Variants in FRMD6 observed in about 807,000 individuals in gnomAD.
FRMD6 encodes the protein FERM domain-containing protein 6.
In FRMD6, 37 loss-of-function variants were observed where a neutral mutation model predicts 73.2. That is an observed-to-expected ratio of 0.51 (90% CI 0.39 to 0.66). The LOEUF is 0.66. FRMD6 is among the 30% of genes least tolerant of loss of function. The probability of loss-of-function intolerance (pLI) is 0.00; values close to 1 mark genes in which losing one functional copy is unlikely to be tolerated. For missense variants in FRMD6, 714 were observed against 780.5 expected (o/e 0.91, Z 1.02); for synonymous variants, 273 against 282.2 (o/e 0.97, Z 0.33).
At chr14:51,595,679 G>A (rs1594574938) in intron 2 of FRMD6, among the ~76,000 whole-genome samples, 1 of 152,150 alleles carries the variant, frequency 6.6e-6, no homozygotes, top group African/African-American at 2.4e-5. Context: ...AGGATGAATT[G>A]AAGATAATAT....
At chr14:51,707,750 T>C (rs1214784804) in intron 6 of FRMD6, among the ~76,000 whole-genome samples, 1 of 152,172 alleles carries the variant, frequency 6.6e-6, no homozygotes, top group Admixed American at 6.6e-5. Flanking sequence ...CTTGCAAGTA[T>C]AAACAATTAT....
chr14:51,691,094 T>G (rs773812526), intron 2 of FRMD6, among the ~76,000 whole-genome samples: 33 of 152,210 alleles, frequency 2.2e-4, no homozygotes, highest in Non-Finnish European at 2.2e-4. Context: ...GTTTCTTAAC[T>G]TCATGAAGCT....
the FRMD6 span, among the ~76,000 whole-genome samples, chr14:51,422,289 G>A: frequency 6.6e-6 from 1 of 152,142 alleles, no homozygotes; most frequent in Non-Finnish European, 1.5e-5. Flanking sequence ...AGTAGCAACA[G>A]TAATGCTTTA....
intron 2 of FRMD6, among the ~76,000 whole-genome samples, chr14:51,616,362 G>A (rs1008924): frequency 0.47 from 70,771 of 151,952 alleles, 16,680 homozygotes; most frequent in African/African-American, 0.52. Context: ...TTTTTAACAG[G>A]TCCTGGAGTG....
At chr14:51,698,733 A>C (rs1442073792) in intron 3 of FRMD6, among the ~76,000 whole-genome samples, 1 of 152,014 alleles carries the variant, frequency 6.6e-6, no homozygotes, top group African/African-American at 2.4e-5. Context: ...CAGTCAGACT[A>C]TATGACTTGG....
At chr14:51,554,889 A>G (rs1200171533) in intron 1 of FRMD6, 1 of 152,248 alleles carries the variant, frequency 6.6e-6, no homozygotes, top group Non-Finnish European at 1.5e-5. Flanking sequence ...GCTAATAAGT[A>G]TACCGCAAAA....
chr14:51,427,735 G>T, the FRMD6 span, among the ~76,000 whole-genome samples: 2 of 152,202 alleles, frequency 1.3e-5, no homozygotes, highest in Non-Finnish European at 2.9e-5. Flanking sequence ...GTTAGCTTGT[G>T]CTGTCTTGTG....
chr14:51,618,638 C>T (rs950454193), intron 2 of FRMD6, among the ~76,000 whole-genome samples: 3 of 152,060 alleles, frequency 2.0e-5, no homozygotes, highest in South Asian at 4.1e-4. Context: ...AGGCTGAGGG[C>T]TGAGAGGTAT....
intron 2 of FRMD6, among the ~76,000 whole-genome samples, chr14:51,695,532 A>G (rs1382825600): frequency 6.6e-6 from 1 of 152,178 alleles, no homozygotes; most frequent in Non-Finnish European, 1.5e-5. Flanking sequence ...TTTTCCTAAA[A>G]TGCTGAATGG....
the FRMD6 span, among the ~76,000 whole-genome samples, chr14:51,477,032 T>G: frequency 2.0e-5 from 3 of 152,190 alleles, no homozygotes; most frequent in Non-Finnish European, 4.4e-5. Flanking sequence ...GAGTTACATT[T>G]GTTCCCAATG....
At chr14:51,596,479 T>A (rs1239933243) in intron 2 of FRMD6, among the ~76,000 whole-genome samples, 1 of 152,194 alleles carries the variant, frequency 6.6e-6, no homozygotes, top group Non-Finnish European at 1.5e-5. Flanking sequence ...TTCATTGCTC[T>A]CTCTGCCTGA....
At chr14:51,510,532 C>T (rs931255635) in intron 1 of FRMD6, among the ~76,000 whole-genome samples, 2 of 152,088 alleles carry the variant, frequency 1.3e-5, no homozygotes, top group East Asian at 1.9e-4. Context: ...TGTTCTAACC[C>T]GTGACTTCAC....
chr14:51,571,436 A>C (rs934945469), intron 2 of FRMD6, among the ~76,000 whole-genome samples: 4 of 152,232 alleles, frequency 2.6e-5, no homozygotes, highest in African/African-American at 9.6e-5. Flanking sequence ...GGAGTTCTCC[A>C]CACTATCCAG....
At chr14:51,694,407 A>T (rs1274351139) in intron 2 of FRMD6, among the ~76,000 whole-genome samples, 1 of 152,160 alleles carries the variant, frequency 6.6e-6, no homozygotes, top group African/African-American at 2.4e-5. Flanking sequence ...GTCCATATAG[A>T]GGCTGGGTGA....
At chr14:51,648,649 T>G (rs1170555749), upstream of FRMD6, among the ~76,000 whole-genome samples, 1 of 152,226 alleles carries the variant, frequency 6.6e-6, no homozygotes, top group African/African-American at 2.4e-5. Flanking sequence ...TTCTCACTAT[T>G]CTTCCTGCGT....
the FRMD6 span, among the ~76,000 whole-genome samples, chr14:51,475,566 G>T: frequency 2.6e-5 from 4 of 152,140 alleles, no homozygotes; most frequent in Admixed American, 2.6e-4. Context: ...ATATTTCGTG[G>T]TTTCTCTATT....
the FRMD6 span, among the ~76,000 whole-genome samples, chr14:51,431,046 GTCTC>G: frequency 1.3e-5 from 2 of 152,216 alleles, no homozygotes; most frequent in Non-Finnish European, 2.9e-5. Context: ...TGATTTTAAA[GTCTC>G]TCTGTTTTTA....
At position 51,537,062 on chromosome 14, in the gene FRMD6, C is replaced by T. The variant is rs987523717; in HGVS notation, c.-209-33286C>T. Among the ~76,000 whole-genome samples, 13 of 152,260 alleles carry T rather than the reference C, an allele frequency of 8.5e-5. No homozygotes were observed. The South Asian group carries it at 1.0e-3, about 12-fold the overall frequency. On this transcript the variant is annotated intron_variant, in intron 1 of 14. Transcript: ENST00000356218. ...AAAGTCCATAGTGTATATTAGAGTT[C>T]GCTCTTTATGTTGTATATTTTATGG...
At chr14:51,543,900 G>A (rs183354880) in intron 1 of FRMD6, among the ~76,000 whole-genome samples, 1 of 152,132 alleles carries the variant, frequency 6.6e-6, no homozygotes, top group Admixed American at 6.5e-5. Context: ...GGGTACTTTG[G>A]AAATGAATTC....
Sources: allele counts gnomAD v4.1 joint callset (sites outside exome capture counted in the v4.1 genomes callset), GRCh38; gene constraint gnomAD v4.1.1; transcripts MANE v1.5; gene names NCBI Gene and HGNC (gene_info 2026-07-23, HGNC 2026-07-21).